The following CSMD3 variants were observed in gnomAD, a reference collection of about 807,000 sequenced individuals.
The protein encoded by CSMD3 is CUB and sushi domain-containing protein 3.
A neutral mutation model predicts 435.2 loss-of-function variants in CSMD3; 177 were observed. The ratio of observed to expected loss-of-function variants is 0.41; its 90% CI spans 0.36 to 0.46. The LOEUF (loss-of-function observed/expected upper bound fraction) is 0.46, where lower values mean the gene tolerates loss of function less well. Among genes scored for constraint, CSMD3 ranks in the 20% least tolerant of loss-of-function variants. CSMD3 has a pLI of 0.34. For synonymous variants in CSMD3, 1,656 were observed against 1,520.5 expected, an observed-to-expected ratio of 1.09 and a Z score of -2.07; for missense variants, 4,265 against 4,504.6, an observed-to-expected ratio of 0.95 and a Z score of 1.52.
intron 12 of CSMD3, among the ~76,000 whole-genome samples, chr8:112,828,943 T>C (rs1451872110): frequency 2.0e-5 from 3 of 152,092 alleles, no homozygotes; most frequent in Non-Finnish European, 2.9e-5. Flanking sequence ...ACTATGAGTT[T>C]AACCCTTGGT....
intron 1 of CSMD3, among the ~76,000 whole-genome samples, chr8:113,388,928 GAGCGCTGGA>G (rs953209702): frequency 6.6e-6 from 1 of 151,548 alleles, no homozygotes; most frequent in Non-Finnish European, 1.5e-5. Context: ...ATGAGTGTAA[GAGCGCTGGA>G]AGTTTTTGAG....
chr8:112,592,238 T>C (rs943000310), intron 22 of CSMD3, among the ~76,000 whole-genome samples: 22 of 151,978 alleles, frequency 1.4e-4, no homozygotes, highest in African/African-American at 5.3e-4. Context: ...AATTGTAGGG[T>C]AGAAAGATAC....
intron 23 of CSMD3, among the ~76,000 whole-genome samples, chr8:112,578,162 T>C (rs1830082677): frequency 6.6e-6 from 1 of 152,092 alleles, no homozygotes. Context: ...CTAAAACTTT[T>C]AATATTCTCT....
rs80333120 is a variant in CSMD3, at chr8:112,997,117, G to A, written c.1031-20969C>T. ...TTGTAATGATGAAATGAAATGTACA[G>A]GAGAAAATATTTGGCAAAGGGCCTG... On this transcript the variant is annotated intron_variant, in intron 6 of 70. Coordinates refer to ENST00000297405, the MANE Select transcript of CSMD3 (RefSeq NM_198123.2). Among the ~76,000 whole-genome samples the A allele has an allele frequency of 6.6e-3, 1,008 of 151,624 alleles. 12 individuals carry two copies. The highest frequency in any genetic ancestry group is 0.023 in the African/African-American group (966 of 41,488).
intron 12 of CSMD3, among the ~76,000 whole-genome samples, chr8:112,804,557 G>A (rs1023216943): frequency 6.6e-6 from 1 of 152,074 alleles, no homozygotes; most frequent in Non-Finnish European, 1.5e-5. Flanking sequence ...AAATAATTTG[G>A]GAATGACCTA....
At chr8:112,440,969 T>C (rs1814942382) in intron 32 of CSMD3, among the ~76,000 whole-genome samples, 1 of 152,218 alleles carries the variant, frequency 6.6e-6, no homozygotes, top group African/African-American at 2.4e-5. Flanking sequence ...CCCATTGCCT[T>C]GGTGATTAAC....
rs759809740 is a variant in CSMD3, at chr8:113,098,934, C to G, written c.739G>C (p.Gly247Arg). The change falls in exon 5 of 71, where the codon GGA (glycine) becomes CGA (arginine). Residue 247 changes from glycine to arginine, a missense_variant. This residue lies in a region of CSMD3 where 731 missense variants were observed against 755.4 expected (regional missense o/e 0.97). Transcript: ENST00000297405. ...AEDACGGTMRGSSGIISSPSF... is the reference protein window; with the variant it reads ...AEDACGGTMRRSSGIISSPSF... ...GGGCTGGATATGATGCCACTGGATC[C>G]TCTCATTGTTCCTCCACAAGCATCT... 9.9e-6 allele frequency: 16 copies of G among 1,611,442 alleles called. No homozygotes were observed. In the East Asian group the frequency reaches 1.3e-4, roughly 13 times the overall value.
At chr8:112,300,603 G>A (rs1048408236) in intron 53 of CSMD3, among the ~76,000 whole-genome samples, 18 of 151,986 alleles carry the variant, frequency 1.2e-4, no homozygotes, top group African/African-American at 4.3e-4. Flanking sequence ...TAAAGAGGAA[G>A]AGGAAAGACA....
At chr8:113,093,911 T>A (rs1265218389) in intron 5 of CSMD3, among the ~76,000 whole-genome samples, 1 of 152,160 alleles carries the variant, frequency 6.6e-6, no homozygotes, top group Non-Finnish European at 1.5e-5. Flanking sequence ...TATTCTGATC[T>A]TGATAACCAT....
intron 13 of CSMD3, among the ~76,000 whole-genome samples, chr8:112,799,196 C>A (rs1480748253): frequency 6.6e-6 from 1 of 151,690 alleles, no homozygotes; most frequent in Non-Finnish European, 1.5e-5. Flanking sequence ...TAATACAGTA[C>A]CAAATTTAGT....
intron 3 of CSMD3, among the ~76,000 whole-genome samples, chr8:113,191,604 G>T (rs971611055): frequency 6.6e-6 from 1 of 151,232 alleles, no homozygotes; most frequent in African/African-American, 2.4e-5. Flanking sequence ...TTAATTTTAT[G>T]ACTGCATAGT....
chr8:113,218,466 CAA>C (rs35840130), intron 3 of CSMD3, among the ~76,000 whole-genome samples: 16,823 of 94,704 alleles, frequency 0.18, 1,553 homozygotes, highest in African/African-American at 0.33. Flanking sequence ...TAAAGTGCTA[CAA>C]AAAAAAAAAA....
chr8:112,772,498 A>C (rs2132204250), intron 13 of CSMD3, among the ~76,000 whole-genome samples: 1 of 152,232 alleles, frequency 6.6e-6, no homozygotes, highest in South Asian at 2.1e-4. Context: ...TGCCTAGGAA[A>C]GCCAGGTATT....
chr8:112,948,946 G>A (rs2130803648), intron 8 of CSMD3, among the ~76,000 whole-genome samples: 1 of 152,064 alleles, frequency 6.6e-6, no homozygotes, highest in South Asian at 2.1e-4. Context: ...GTCTTGCTTT[G>A]CCATCCATGC....
rs759950726 is a variant in CSMD3, at chr8:112,336,773, G to C, written c.6898C>G (p.Pro2300Ala). ...MNGTIYSPGYPDEYPNFQDCF... is the reference protein window; with the variant it reads ...MNGTIYSPGYADEYPNFQDCF... The stretch of plus-strand genomic sequence containing the variant: ...TCTTGAAAGTTTGGATATTCATCAG[G>C]ATACCCAGGAGAATAAATGGTGCCA... The change falls in exon 44 of 71, where the codon CCT becomes GCT. Residue 2300 changes from proline (P) to alanine (A), a missense_variant. By Grantham distance (27) the Pro-to-Ala change is conservative (BLOSUM62 -1). This residue lies in a region of CSMD3 where 3,255 missense variants were observed against 3,380.2 expected (regional missense o/e 0.96). Transcript: ENST00000297405. 6.2e-6 allele frequency: 10 copies of C among 1,612,882 alleles called. No individual in the cohort carries two copies. Among genetic ancestry groups the C allele is most frequent in the Non-Finnish European group, 8.5e-6 (10 of 1,179,080 alleles).
At chr8:112,341,924 A>G (rs145421055) in intron 41 of CSMD3, among the ~76,000 whole-genome samples, 116 of 152,248 alleles carry the variant, frequency 7.6e-4, no homozygotes, top group African/African-American at 2.7e-3. Flanking sequence ...AAAACATTTC[A>G]TTTCATTATA....
chr8:112,526,062 C>T (rs976631450), intron 27 of CSMD3, among the ~76,000 whole-genome samples: 1 of 150,554 alleles, frequency 6.6e-6, no homozygotes, highest in Admixed American at 6.6e-5. Context: ...TTATTGTTTT[C>T]AATAATTGCT....
chr8:113,217,891 C>A (rs1402133713), intron 3 of CSMD3, among the ~76,000 whole-genome samples: 1 of 150,488 alleles, frequency 6.6e-6, no homozygotes, highest in Non-Finnish European at 1.5e-5. Context: ...ATGAAAAAAA[C>A]ACCCATAGGC....
chr8:112,972,444 T>G (rs2084691950), intron 7 of CSMD3, among the ~76,000 whole-genome samples: 1 of 151,980 alleles, frequency 6.6e-6, no homozygotes, highest in Middle Eastern at 3.4e-3. Context: ...AAAATTATTT[T>G]GATTTTATAA....
Sources: allele counts gnomAD v4.1 joint callset (sites outside exome capture counted in the v4.1 genomes callset), GRCh38; gene constraint gnomAD v4.1.1; regional missense constraint gnomAD v4.1.1; transcripts MANE v1.5; gene names NCBI Gene and HGNC (gene_info 2026-07-23, HGNC 2026-07-21).